KCNB2: variants seen among roughly 807,000 people sequenced by gnomAD.
KCNB2 encodes the protein potassium voltage-gated channel subfamily B member 2.
In KCNB2, 15 loss-of-function variants were observed where a neutral mutation model predicts 61.5. That is an observed-to-expected ratio of 0.24 (90% CI 0.16 to 0.38). The LOEUF (loss-of-function observed/expected upper bound fraction) is 0.38. KCNB2 is among the 10% of genes least tolerant of loss of function. KCNB2 has a pLI of 1.00. For missense variants in KCNB2, 828 were observed against 1,125.2 expected, an observed-to-expected ratio of 0.74 and a Z score of 3.78; for synonymous variants, 457 against 446.0, an observed-to-expected ratio of 1.02 and a Z score of -0.31.
intron 2 of KCNB2, among the ~76,000 whole-genome samples, chr8:72,821,313 T>G (rs933961172): frequency 2.0e-5 from 3 of 152,030 alleles, no homozygotes; most frequent in African/African-American, 7.2e-5. Flanking sequence ...TATTAGAAAG[T>G]TAGTCTGCTA....
intron 2 of KCNB2, among the ~76,000 whole-genome samples, chr8:72,783,026 C>T (rs1189370499): frequency 1.3e-5 from 2 of 152,142 alleles, no homozygotes; most frequent in African/African-American, 4.8e-5. Flanking sequence ...CCTTCTGCAA[C>T]ACCATCTGAT....
intron 2 of KCNB2, among the ~76,000 whole-genome samples, chr8:72,886,957 C>T (rs1473869851): frequency 6.6e-6 from 1 of 152,174 alleles, no homozygotes; most frequent in African/African-American, 2.4e-5. Flanking sequence ...TAGAGAGACA[C>T]AGGCCAGGAG....
chr8:72,627,116 A>C (rs924238797), intron 2 of KCNB2, among the ~76,000 whole-genome samples: 1 of 152,180 alleles, frequency 6.6e-6, no homozygotes, highest in Non-Finnish European at 1.5e-5. Context: ...CTTTACCTTA[A>C]AGCTTTGAAA....
chr8:72,766,940 G>A (rs184584343), intron 2 of KCNB2, among the ~76,000 whole-genome samples: 8 of 152,300 alleles, frequency 5.3e-5, no homozygotes, highest in Admixed American at 3.3e-4. Flanking sequence ...ATGGCAGGAG[G>A]TGGGAAGCGA....
chr8:72,633,209 G>A (rs1243760519), intron 2 of KCNB2, among the ~76,000 whole-genome samples: 1 of 152,008 alleles, frequency 6.6e-6, no homozygotes, highest in Non-Finnish European at 1.5e-5. Flanking sequence ...CTGCTTCCTG[G>A]CTGGCAGTGG....
intron 2 of KCNB2, among the ~76,000 whole-genome samples, chr8:72,882,018 A>G (rs1375062534): frequency 6.6e-6 from 1 of 152,226 alleles, no homozygotes; most frequent in African/African-American, 2.4e-5. Context: ...ATAACTGCAA[A>G]TAAGAGCAGT....
chr8:72,885,686 T>C (rs930172203), intron 2 of KCNB2, among the ~76,000 whole-genome samples: 8 of 152,166 alleles, frequency 5.3e-5, no homozygotes, highest in African/African-American at 1.9e-4. Flanking sequence ...TGTGTCTACT[T>C]CTCCACCTCT....
intron 2 of KCNB2, among the ~76,000 whole-genome samples, chr8:72,718,696 G>A (rs915895538): frequency 2.0e-5 from 3 of 151,622 alleles, no homozygotes; most frequent in South Asian, 2.1e-4. Context: ...ATAGCATTAG[G>A]AGATCTACCT....
At chr8:72,607,537 G>A (rs1805470586) in intron 2 of KCNB2, among the ~76,000 whole-genome samples, 1 of 152,116 alleles carries the variant, frequency 6.6e-6, no homozygotes, top group African/African-American at 2.4e-5. Context: ...CAAATATATT[G>A]AAATGTATGA....
At chr8:72,628,804 G>A (rs1473438669) in intron 2 of KCNB2, among the ~76,000 whole-genome samples, 1 of 152,162 alleles carries the variant, frequency 6.6e-6, no homozygotes, top group Non-Finnish European at 1.5e-5. Context: ...ATCCAAATGA[G>A]AGCCTCACTC....
chr8:72,627,915 G>C (rs1805815492), intron 2 of KCNB2, among the ~76,000 whole-genome samples: 2 of 151,662 alleles, frequency 1.3e-5, no homozygotes, highest in African/African-American at 4.8e-5. Context: ...ATTTTTATTA[G>C]ATTAAAAAAA....
intron 2 of KCNB2, among the ~76,000 whole-genome samples, chr8:72,740,240 T>C (rs1034061570): frequency 4.6e-5 from 7 of 152,178 alleles, no homozygotes; most frequent in Admixed American, 4.6e-4. Context: ...ACTGTTTTTA[T>C]TGACATATTG....
intron 2 of KCNB2, among the ~76,000 whole-genome samples, chr8:72,725,605 A>ATATATGTG (rs1554587095): frequency 1.8e-5 from 1 of 54,280 alleles, no homozygotes; most frequent in Non-Finnish European, 6.2e-5. Flanking sequence ...ATATATATAT[A>ATATATGTG]TATATATATA....
At chr8:72,660,730 A>T (rs983330907) in intron 2 of KCNB2, 1 of 152,172 alleles carries the variant, frequency 6.6e-6, no homozygotes. Flanking sequence ...TATTTTATAC[A>T]TGTCCAGTCT....
chr8:72,634,320 G>A (rs1805931932), intron 2 of KCNB2, among the ~76,000 whole-genome samples: 2 of 152,124 alleles, frequency 1.3e-5, no homozygotes, highest in Non-Finnish European at 2.9e-5. Flanking sequence ...TGCAGACTAG[G>A]ATTTCTTAAA....
intron 2 of KCNB2, among the ~76,000 whole-genome samples, chr8:72,701,295 AC>A (rs572762367): frequency 6.6e-6 from 1 of 152,186 alleles, no homozygotes; most frequent in Non-Finnish European, 1.5e-5. Context: ...CCAAAACCAA[AC>A]AGGCACTGTT....
chr8:72,579,302 G>C (rs1806853591), intron 2 of KCNB2, among the ~76,000 whole-genome samples: 1 of 151,998 alleles, frequency 6.6e-6, no homozygotes, highest in Non-Finnish European at 1.5e-5. Flanking sequence ...TTTTTCATCT[G>C]GTTGTAAATC....
intron 2 of KCNB2, among the ~76,000 whole-genome samples, chr8:72,790,367 C>T (rs1808918135): frequency 1.3e-5 from 2 of 152,140 alleles, no homozygotes; most frequent in African/African-American, 4.8e-5. Context: ...GGCAGAGTGG[C>T]ATTCTGGAAG....
At chr8:72,621,424 T>C (rs964712411) in intron 2 of KCNB2, among the ~76,000 whole-genome samples, 1 of 152,262 alleles carries the variant, frequency 6.6e-6, no homozygotes, top group Admixed American at 6.5e-5. Flanking sequence ...TCAGTTCAGC[T>C]AATGGTTGTT....
Sources: allele counts gnomAD v4.1 joint callset (sites outside exome capture counted in the v4.1 genomes callset), GRCh38; gene constraint gnomAD v4.1.1; transcripts MANE v1.5; gene names NCBI Gene and HGNC (gene_info 2026-07-23, HGNC 2026-07-21).